Variants in CAPS2 observed in about 807,000 individuals in gnomAD.
The protein encoded by CAPS2 is calcyphosine 2.
In CAPS2, 98 loss-of-function variants were observed where a neutral mutation model predicts 86.5. That is an observed-to-expected ratio of 1.13 (90% CI 0.96 to 1.34). The LOEUF (loss-of-function observed/expected upper bound fraction) is 1.34, where lower values mean the gene tolerates loss of function less well. Among genes scored for constraint, CAPS2 ranks in the 40% most tolerant of loss-of-function variants. The pLI, the probability that CAPS2 is intolerant of heterozygous loss-of-function variation, is 0.00. For missense variants in CAPS2, 729 were observed against 686.8 expected (o/e 1.06, Z -0.69); for synonymous variants, 210 against 225.1 (o/e 0.93, Z 0.60).
At chr12:75,301,918 A>G (rs907413142) in intron 8 of CAPS2, among the ~76,000 whole-genome samples, 3 of 152,222 alleles carry the variant, frequency 2.0e-5, no homozygotes, top group Admixed American at 6.5e-5. Flanking sequence ...GAAAGACTGA[A>G]GATTAAAGTA....
upstream of CAPS2, among the ~76,000 whole-genome samples, chr12:75,330,515 G>A (rs908524586): frequency 5.3e-5 from 8 of 152,214 alleles, no homozygotes; most frequent in African/African-American, 1.4e-4. Flanking sequence ...ATGACGTTTT[G>A]AGGAGAAGAA....
chr12:75,359,890 T>A (rs1174318424), intron 1 of CAPS2: 2 of 152,168 alleles, frequency 1.3e-5, no homozygotes, highest in African/African-American at 4.8e-5. Context: ...GGGTCATTTA[T>A]AAAGGAAATA....
intron 16 of CAPS2, 117 bp from the exon 17 acceptor site, chr12:75,279,182 G>T: frequency 2.0e-6 from 2 of 984,544 alleles, no homozygotes; most frequent in Non-Finnish European, 2.9e-6. Flanking sequence ...GAAATCTTTT[G>T]TCAAACTACC....
upstream of CAPS2, chr12:75,334,448 G>A: frequency 8.1e-7 from 1 of 1,237,182 alleles, no homozygotes; most frequent in Non-Finnish European, 1.0e-6. Flanking sequence ...GCAGATTACA[G>A]ATTGGATCCA....
At chr12:75,363,892 A>G (rs887825153) in intron 1 of CAPS2, among the ~76,000 whole-genome samples, 1 of 152,188 alleles carries the variant, frequency 6.6e-6, no homozygotes, top group African/African-American at 2.4e-5. Context: ...AGTTCTGTCC[A>G]GAAAGGCAAG....
chr12:75,322,802 A>G, intron 4 of CAPS2: 2 of 536,818 alleles, frequency 3.7e-6, no homozygotes, highest in Non-Finnish European at 6.7e-6. Flanking sequence ...TAAAAATTTT[A>G]AAATACCAAT....
At chr12:75,302,288 C>G (rs2037914008) in intron 8 of CAPS2, among the ~76,000 whole-genome samples, 1 of 152,150 alleles carries the variant, frequency 6.6e-6, no homozygotes. Context: ...GGTATTTACT[C>G]TAATACAACG....
intron 1 of CAPS2, among the ~76,000 whole-genome samples, chr12:75,382,638 T>C (rs562057745): frequency 1.8e-5 from 2 of 111,698 alleles, no homozygotes; most frequent in East Asian, 6.2e-4. Flanking sequence ...AGACTCCATC[T>C]CAAAAAAAAA....
At chr12:75,371,084 C>T (rs1416821315) in intron 1 of CAPS2, 2 of 152,366 alleles carry the variant, frequency 1.3e-5, no homozygotes, top group East Asian at 1.9e-4. Context: ...CTCACATGAT[C>T]TATAGGTGAA....
chr12:75,278,843 C>T (rs2033349606), exon 17 of CAPS2: 1 of 1,403,504 alleles, frequency 7.1e-7, no homozygotes, highest in African/African-American at 1.5e-5. Flanking sequence ...TTGATATCAT[C>T]TCTCCAATAA....
intron 1 of CAPS2, among the ~76,000 whole-genome samples, chr12:75,339,483 G>A (rs1024666207): frequency 1.3e-5 from 2 of 151,958 alleles, no homozygotes; most frequent in South Asian, 2.1e-4. Context: ...TATAGACTCT[G>A]GATATTAGAC....
At chr12:75,390,568 T>C (rs1467080119) in intron 1 of CAPS2, among the ~76,000 whole-genome samples, 1 of 152,200 alleles carries the variant, frequency 6.6e-6, no homozygotes, top group African/African-American at 2.4e-5. Flanking sequence ...CTGTATTCCA[T>C]TCTGTCCCTG....
chr12:75,302,850 A>G (rs1166658303), intron 8 of CAPS2, among the ~76,000 whole-genome samples: 2 of 152,192 alleles, frequency 1.3e-5, no homozygotes, highest in African/African-American at 4.8e-5. Flanking sequence ...GAAGAACTCA[A>G]ATAAAAAAAG....
chr12:75,297,044 TTCTC>T (rs1475088205), intron 11 of CAPS2, among the ~76,000 whole-genome samples: 1 of 152,224 alleles, frequency 6.6e-6, no homozygotes, highest in Non-Finnish European at 1.5e-5. Context: ...TTTCTTTCCT[TTCTC>T]TCTTTCTTTC....
At chr12:75,299,188 T>G (rs10879896) in intron 9 of CAPS2, among the ~76,000 whole-genome samples, 27,304 of 152,132 alleles carry the variant, frequency 0.18, 2,838 homozygotes, top group South Asian at 0.37. Flanking sequence ...ACACTGACAT[T>G]AAAAGTGGAT....
upstream of CAPS2, among the ~76,000 whole-genome samples, chr12:75,333,447 TAC>T (rs34076211): frequency 7.7e-4 from 117 of 151,038 alleles, no homozygotes; most frequent in East Asian, 4.8e-3. Context: ...CACACACATA[TAC>T]ACACACACAC....
rs865997329 is a variant in CAPS2 at position 75,298,609 on chromosome 12, C to T, written c.1044+78G>A. 12 of 1,045,876 alleles carry T rather than the reference C, an allele frequency of 1.1e-5. No individual in the cohort carries two copies. In the Middle Eastern group the frequency reaches 1.4e-3, roughly 122 times the overall value. 64.8% of individuals were successfully genotyped at this position (1,045,876 alleles called of 1,614,324 possible). On this transcript the variant is annotated intron_variant, in intron 11 of 16. Transcript: ENST00000393284. ...AGGAAATAAATTGAAGACTAGAAGC[C>T]CTACTCCTCCACCTCCATGGGACTC...
intron 15 of CAPS2, among the ~76,000 whole-genome samples, chr12:75,283,973 C>G (rs2034435350): frequency 6.6e-6 from 1 of 152,174 alleles, no homozygotes; most frequent in Non-Finnish European, 1.5e-5. Context: ...ACCTCCAGAG[C>G]TATGAGACAA....
chr12:75,294,726 A>G (rs1199639220), intron 11 of CAPS2, among the ~76,000 whole-genome samples: 1 of 152,170 alleles, frequency 6.6e-6, no homozygotes, highest in Non-Finnish European at 1.5e-5. Context: ...TTACTTGAGG[A>G]CTAGTTATTG....
Sources: gnomAD v4.1 joint callset for allele counts (sites outside exome capture counted in the v4.1 genomes callset) on GRCh38, gnomAD v4.1.1 for gene constraint, MANE v1.5 for transcripts, NCBI Gene and HGNC (gene_info 2026-07-23, HGNC 2026-07-21) for gene names.